PIK3C2G: variants seen among roughly 807,000 people sequenced by gnomAD.
The protein encoded by PIK3C2G is phosphatidylinositol-4-phosphate 3-kinase catalytic subunit type 2 gamma, also known as phosphatidylinositol 3-kinase C2 domain-containing subunit gamma.
Under a neutral mutation model 181.1 loss-of-function variants are expected in PIK3C2G, and 168 were observed. The observed-to-expected ratio is 0.93, with a 90% CI of 0.82 to 1.05. PIK3C2G has a LOEUF of 1.05. PIK3C2G is among the 50% of genes least tolerant of loss of function. The pLI is 0.00. For synonymous variants in PIK3C2G, 573 were observed against 592.2 expected (o/e 0.97, Z 0.47); for missense variants, 1,869 against 1,732.8 (o/e 1.08, Z -1.40).
chr12:18,723,176 G>A, the PIK3C2G span: 1 of 712,898 alleles, frequency 1.4e-6, no homozygotes, highest in Non-Finnish European at 2.3e-6. Context: ...TTTTCTCAAA[G>A]ATATTTGACC....
intron 7 of PIK3C2G, among the ~76,000 whole-genome samples, chr12:18,324,395 T>C (rs1313209586): frequency 6.6e-6 from 1 of 152,216 alleles, no homozygotes; most frequent in Non-Finnish European, 1.5e-5. Flanking sequence ...TTTGTTTTAA[T>C]GTTGCGTTTC....
At chr12:18,550,426 T>C in intron 26 of PIK3C2G, among the ~76,000 whole-genome samples, 1 of 152,064 alleles carries the variant, frequency 6.6e-6, no homozygotes, top group Admixed American at 6.6e-5. Flanking sequence ...TTGTTTACTT[T>C]GTGTAAATAA....
At chr12:18,305,974 T>C (rs1257108845) in intron 5 of PIK3C2G, among the ~76,000 whole-genome samples, 1 of 151,948 alleles carries the variant, frequency 6.6e-6, no homozygotes, top group East Asian at 1.9e-4. Flanking sequence ...TTCATTTATA[T>C]AGTTATGTTA....
intron 31 of PIK3C2G, among the ~76,000 whole-genome samples, chr12:18,630,120 A>G (rs2136718056): frequency 6.6e-6 from 1 of 152,212 alleles, no homozygotes; most frequent in East Asian, 1.9e-4. Flanking sequence ...GTAAAGAATA[A>G]GATGAAGGGG....
chr12:18,248,442 C>T (rs905097219), intron 1 of PIK3C2G, among the ~76,000 whole-genome samples: 1 of 151,946 alleles, frequency 6.6e-6, no homozygotes, highest in Non-Finnish European at 1.5e-5. Context: ...GGCGAGGTGG[C>T]GGGCGCTGTA....
intron 29 of PIK3C2G, 52 bp from the exon 30 acceptor site, chr12:18,594,442 C>A: frequency 1.0e-6 from 1 of 1,000,334 alleles, no homozygotes; most frequent in Non-Finnish European, 1.5e-6. Context: ...TAATGAATAG[C>A]AGTAACAAAT....
rs139110088 is a variant in PIK3C2G at position 18,248,576 on chromosome 12, A to AAACAAC, written c.-79+521_-79+526dup. On this transcript the variant is annotated intron_variant, in intron 1 of 11. Transcript: ENST00000535651. ...ACAGAGCGAGACTCCATCTCAAACA[A>AAACAAC]AACAACAACAACAACAACAACAACA... Among the ~76,000 whole-genome samples, 539 of 151,408 alleles carry AAACAAC rather than the reference A, an allele frequency of 3.6e-3. 3 individuals carry two copies. The highest frequency in any genetic ancestry group is 0.012 in the African/African-American group (495 of 41,272).
chr12:18,682,203 G>A, the PIK3C2G span, among the ~76,000 whole-genome samples: 5 of 151,982 alleles, frequency 3.3e-5, no homozygotes, highest in African/African-American at 1.2e-4. Flanking sequence ...TCAGTGATAC[G>A]TTTATTTTAA....
chr12:18,399,003 G>A (rs1319369423), intron 15 of PIK3C2G, among the ~76,000 whole-genome samples: 1 of 151,382 alleles, frequency 6.6e-6, no homozygotes, highest in South Asian at 2.1e-4. Context: ...AGACCATCCC[G>A]GCTAAAACGG....
chr12:18,427,432 G>A (rs1450700484), intron 18 of PIK3C2G, among the ~76,000 whole-genome samples: 2 of 150,294 alleles, frequency 1.3e-5, no homozygotes, highest in East Asian at 2.0e-4. Flanking sequence ...GCTGGAACCC[G>A]GGAGGTTGCA....
At chr12:18,419,449 T>C (rs944638242) in intron 16 of PIK3C2G, among the ~76,000 whole-genome samples, 5 of 152,192 alleles carry the variant, frequency 3.3e-5, no homozygotes, top group African/African-American at 1.2e-4. Context: ...GGTTTAGTAA[T>C]TGAGAGCAAT....
At chr12:18,324,062 T>C (rs1384750949) in intron 7 of PIK3C2G, among the ~76,000 whole-genome samples, 1 of 151,842 alleles carries the variant, frequency 6.6e-6, no homozygotes, top group African/African-American at 2.4e-5. Flanking sequence ...CTACTAAAAA[T>C]ACAAAACATT....
rs140378386 is a variant in PIK3C2G, at chr12:18,343,984, A to G, written c.1429+624A>G. Among the ~76,000 whole-genome samples, 342 of 152,214 alleles carry G rather than the reference A, an allele frequency of 2.2e-3. 2 individuals are homozygous for G. The highest frequency in any genetic ancestry group is 7.9e-3 in the African/African-American group (326 of 41,522). On this transcript the variant is annotated intron_variant, in intron 10 of 32. Coordinates refer to ENST00000538779, the MANE Select transcript of PIK3C2G (RefSeq NM_001288772.2). ...CTGGTTTTGAATTTCAACTCTCCCA[A>G]CTCAAATCTCAACTGGTTTTGAATC...
chr12:18,434,603 A>C, intron 18 of PIK3C2G, among the ~76,000 whole-genome samples: 1 of 152,296 alleles, frequency 6.6e-6, no homozygotes. Flanking sequence ...AGAAGTCAGT[A>C]ATAATGCCCC....
At chr12:18,506,676 A>G (rs896188711) in intron 24 of PIK3C2G, among the ~76,000 whole-genome samples, 7 of 152,198 alleles carry the variant, frequency 4.6e-5, no homozygotes, top group African/African-American at 1.4e-4. Flanking sequence ...ATACTGATAG[A>G]TGAATAGGTT....
chr12:18,500,384 G>A lies in PIK3C2G; in HGVS notation c.3016+2636G>A, dbSNP rs1432140354. On this transcript the variant is annotated intron_variant, in intron 22 of 32. Coordinates refer to ENST00000538779, the MANE Select transcript of PIK3C2G (RefSeq NM_001288772.2). ...GCCGGGCCTTAGCTGCCTTCCCGCG[G>A]GGCAAGGCTCGGGACCTGCAGCCAG... Among the ~76,000 whole-genome samples the A allele has an allele frequency of 4.6e-5, 7 of 152,182 alleles. No individual in the cohort carries two copies. The East Asian group carries it at 1.4e-3, about 29-fold the overall frequency.
rs1021189020 is a variant in PIK3C2G, at chr12:18,488,493, A to G, written c.2549A>G (p.Tyr850Cys). 5 of 1,554,154 alleles carry G rather than the reference A, an allele frequency of 3.2e-6. No individual in the cohort carries two copies. The highest frequency in any genetic ancestry group is 1.2e-5 in the South Asian group (1 of 81,742). Residue 850 changes from tyrosine to cysteine, a missense_variant, in exon 19 of 33, where the codon TAT becomes TGT. Tyr to Cys is a radical substitution (Grantham distance 194, BLOSUM62 -2). Transcript: ENST00000538779. ...AATGAAGCTTATTTTAAAAGCTGGT[A>G]TCAGAAGCTACTAGCTGCTCTCCAA... ...AENEAYFKSW[Y>C]QKLLAALQFC...
At position 18,392,614 on chromosome 12, in the gene PIK3C2G, T is replaced by C. The variant is rs963291920; in HGVS notation, c.2126+1362T>C. 1.8e-4 allele frequency among the ~76,000 whole-genome samples: 28 copies of C among 152,216 alleles called. 1 individual carries two copies. The highest frequency in any genetic ancestry group is 6.5e-4 in the African/African-American group (27 of 41,552). On this transcript the variant is annotated intron_variant, in intron 15 of 32. Transcript: ENST00000538779. ...TCAAAAAGTCCTTCTTTGGCCACTC[T>C]ATGTGATGAAGCCTTTTTTCCCTCA...
chr12:18,602,387 G>A (rs141602542), intron 30 of PIK3C2G, among the ~76,000 whole-genome samples: 1 of 151,488 alleles, frequency 6.6e-6, no homozygotes, highest in African/African-American at 2.4e-5. Context: ...CCAGCCCAAG[G>A]AGAGTCTGAG....
Sources: gnomAD v4.1 joint callset for allele counts (sites outside exome capture counted in the v4.1 genomes callset) on GRCh38, gnomAD v4.1.1 for gene constraint, MANE v1.5 for transcripts, NCBI Gene and HGNC (gene_info 2026-07-23, HGNC 2026-07-21) for gene names.